PLEKHA8: variants seen among roughly 807,000 people sequenced by gnomAD.
PLEKHA8 encodes the protein pleckstrin homology domain containing A8, also known as pleckstrin homology domain-containing family A member 8.
Under a neutral mutation model 68.2 loss-of-function variants are expected in PLEKHA8, and 36 were observed. The ratio of observed to expected loss-of-function variants is 0.53; its 90% CI spans 0.40 to 0.70. The LOEUF (loss-of-function observed/expected upper bound fraction) is 0.70, where lower values mean the gene tolerates loss of function less well. Ranked by LOEUF, PLEKHA8 falls within the 30% of genes least tolerant of loss-of-function variation. The probability of loss-of-function intolerance (pLI) is 0.00; values close to 1 mark genes in which losing one functional copy is unlikely to be tolerated. For synonymous variants in PLEKHA8, 211 were observed against 216.1 expected (o/e 0.98, Z 0.20); for missense variants, 505 against 615.4 (o/e 0.82, Z 1.90).
At chr7:30,084,734 T>A, downstream of PLEKHA8, 1 of 714,930 alleles carries the variant, frequency 1.4e-6, no homozygotes, top group Non-Finnish European at 1.7e-6. Context: ...ACACATGACT[T>A]GCTGGGCATC....
chr7:30,059,246 G>A (rs559252478), intron 9 of PLEKHA8, among the ~76,000 whole-genome samples: 1 of 152,166 alleles, frequency 6.6e-6, no homozygotes, highest in Non-Finnish European at 1.5e-5. Flanking sequence ...TCTTTTGTTA[G>A]GAATAAGTTT....
rs1229882802 is a variant in PLEKHA8 at position 30,079,893 on chromosome 7, A to G, written c.*1106A>G. 3.1e-6 allele frequency: 3 copies of G among 968,546 alleles called. No individual in the cohort carries two copies. In the African/African-American group the frequency reaches 5.3e-5, roughly 17 times the overall value. 60.0% of individuals were successfully genotyped at this position (968,546 alleles called of 1,614,324 possible). A position where few individuals can be genotyped will look rare whatever the true frequency, so the allele number is the denominator to read the frequency against. The stretch of plus-strand genomic sequence containing the variant: ...CAGTTTTCTTCAAGAACTAAATGAT[A>G]TGTCCTTTTTTTTTTTTTCAAAGAG... On this transcript the variant is annotated 3_prime_UTR_variant, in exon 14 of 14. Coordinates refer to ENST00000449726, the MANE Select transcript of PLEKHA8 (RefSeq NM_001197026.2).
At chr7:30,086,819 T>C (rs988541322), downstream of PLEKHA8, among the ~76,000 whole-genome samples, 3 of 152,216 alleles carry the variant, frequency 2.0e-5, no homozygotes, top group African/African-American at 7.2e-5. Flanking sequence ...TGCTCTTTTA[T>C]GATATGAGCA....
intron 9 of PLEKHA8, among the ~76,000 whole-genome samples, chr7:30,056,697 C>T (rs1303974172): frequency 7.3e-6 from 1 of 136,328 alleles, no homozygotes; most frequent in Non-Finnish European, 1.5e-5. Context: ...CCACTGCACT[C>T]CAGCCTGGAT....
At chr7:30,039,897 T>C (rs1791402149) in intron 1 of PLEKHA8, among the ~76,000 whole-genome samples, 1 of 152,262 alleles carries the variant, frequency 6.6e-6, no homozygotes, top group Non-Finnish European at 1.5e-5. Context: ...TTGCCTTGGC[T>C]AGAACCTTTA....
chr7:30,115,822 A>ATGTG (rs1471868167), intron 13 of PLEKHA8: 3 of 138,766 alleles, frequency 2.2e-5, no homozygotes, highest in African/African-American at 5.7e-5. Context: ...GCATGTATAC[A>ATGTG]TGCGTGCACA....
chr7:30,097,018 CCTGGT>C (rs1372563034), intron 13 of PLEKHA8, among the ~76,000 whole-genome samples: 1 of 152,116 alleles, frequency 6.6e-6, no homozygotes, highest in Non-Finnish European at 1.5e-5. Context: ...TTAGGGCAGG[CCTGGT>C]GGTGACAAAA....
chr7:30,120,963 G>T (rs539901827), intron 13 of PLEKHA8, among the ~76,000 whole-genome samples: 1 of 152,218 alleles, frequency 6.6e-6, no homozygotes, highest in South Asian at 2.1e-4. Flanking sequence ...TTTGCTGGAG[G>T]AATACTAGTA....
chr7:30,056,390 T>C (rs1792932018), intron 9 of PLEKHA8, among the ~76,000 whole-genome samples: 1 of 129,148 alleles, frequency 7.7e-6, no homozygotes, highest in Admixed American at 8.2e-5. Context: ...ATATATAATA[T>C]ATATAACACA....
intron 13 of PLEKHA8, among the ~76,000 whole-genome samples, chr7:30,123,073 G>T (rs1409039930): frequency 6.6e-6 from 1 of 152,076 alleles, no homozygotes; most frequent in Non-Finnish European, 1.5e-5. Flanking sequence ...ACAACCAGAA[G>T]ACCATTGACT....
At chr7:30,121,240 C>G (rs1376213148) in intron 13 of PLEKHA8, among the ~76,000 whole-genome samples, 2 of 152,176 alleles carry the variant, frequency 1.3e-5, no homozygotes, top group East Asian at 3.9e-4. Flanking sequence ...AGTGGCAGCT[C>G]AGGGTAGATG....
At chr7:30,035,398 C>T (rs1262601030) in intron 1 of PLEKHA8, among the ~76,000 whole-genome samples, 2 of 152,134 alleles carry the variant, frequency 1.3e-5, no homozygotes, top group Non-Finnish European at 2.9e-5. Context: ...GTTCATAGTT[C>T]ACTTTAAGGG....
At chr7:30,053,466 A>G (rs2127979791) in intron 7 of PLEKHA8, among the ~76,000 whole-genome samples, 1 of 152,290 alleles carries the variant, frequency 6.6e-6, no homozygotes, top group South Asian at 2.1e-4. Context: ...CCTTCCATCT[A>G]CCTTGAAATA....
intron 13 of PLEKHA8, chr7:30,115,748 A>G (rs1328868825): frequency 2.8e-5 from 4 of 143,534 alleles, no homozygotes; most frequent in Non-Finnish European, 4.6e-5. Context: ...ATGTATACAT[A>G]CGTGCACATA....
intron 1 of PLEKHA8, among the ~76,000 whole-genome samples, chr7:30,042,549 A>G (rs910362199): frequency 2.0e-5 from 3 of 152,210 alleles, no homozygotes; most frequent in African/African-American, 7.2e-5. Flanking sequence ...CTGTTGTTCT[A>G]TACCAGGACA....
At chr7:30,104,068 C>A (rs1375316454) in intron 13 of PLEKHA8, among the ~76,000 whole-genome samples, 1 of 152,114 alleles carries the variant, frequency 6.6e-6, no homozygotes, top group African/African-American at 2.4e-5. Context: ...TTATAAAAGA[C>A]CACATACAAA....
At chr7:30,116,089 C>T (rs1208318981) in intron 13 of PLEKHA8, 4 of 150,826 alleles carry the variant, frequency 2.7e-5, no homozygotes, top group Non-Finnish European at 5.9e-5. Flanking sequence ...CATACGCATA[C>T]ATACGTATAC....
At chr7:30,056,787 A>G (rs7799751) in intron 9 of PLEKHA8, among the ~76,000 whole-genome samples, 3,000 of 90,962 alleles carry the variant, frequency 0.033, 46 homozygotes, top group African/African-American at 0.048. Flanking sequence ...GTGTGTGTGT[A>G]TATATATATG....
In PLEKHA8 at chr7:30,083,568, G is replaced by A; in HGVS notation, c.*4781G>A. On this transcript the variant is annotated 3_prime_UTR_variant, in exon 14 of 14. Coordinates refer to ENST00000449726, the MANE Select transcript of PLEKHA8 (RefSeq NM_001197026.2). ...GGGCATGATTAAACAGTCATTAACA[G>A]TGCCTCTCTGGTACAGTTGATGCAT... The A allele has an allele frequency of 4.1e-6, 4 of 985,390 alleles. No individual in the cohort carries two copies. The highest frequency in any genetic ancestry group is 4.8e-6 in the Non-Finnish European group (4 of 829,934). 61.0% of individuals were successfully genotyped at this position (985,390 alleles called of 1,614,324 possible).
Sources: allele counts gnomAD v4.1 joint callset (sites outside exome capture counted in the v4.1 genomes callset), GRCh38; gene constraint gnomAD v4.1.1; transcripts MANE v1.5; gene names NCBI Gene and HGNC (gene_info 2026-07-23, HGNC 2026-07-21).